RNF17: variants seen among roughly 807,000 people sequenced by gnomAD.
The protein encoded by RNF17 is spermatogenesis associated 23.
Under a neutral mutation model 200.5 loss-of-function variants are expected in RNF17, and 31 were observed. That is an observed-to-expected ratio of 0.15 (90% CI 0.12 to 0.21). RNF17 has a LOEUF of 0.21. RNF17 is among the 10% of genes least tolerant of loss of function. The pLI is 1.00. For missense variants in RNF17, 1,628 were observed against 1,905.1 expected (o/e 0.85, Z 2.71); for synonymous variants, 606 against 637.8 (o/e 0.95, Z 0.75).
In RNF17 at chr13:24,864,986, G is replaced by A. The variant is rs756789543; in HGVS notation, c.4089G>A (p.Glu1363=). The A allele has an allele frequency of 2.6e-6, 4 of 1,550,906 alleles. No individual in the cohort carries two copies. The East Asian group carries it at 9.2e-5, about 36-fold the overall frequency. The stretch of plus-strand genomic sequence containing the variant: ...ACTGTACTTCTGAACATACTGAGGA[G>A]ATGTTGAAAGAAGTAAGTGCACTAT... ...YKYCTSEHTE[E]MLKEKPRSDH... Residue 1363 remains glutamate (E), a synonymous_variant, in exon 29 of 36, where the codon GAG becomes GAA. Transcript: ENST00000255324.
At chr13:24,887,982 G>C in the RNF17 span, among the ~76,000 whole-genome samples, 1 of 152,170 alleles carries the variant, frequency 6.6e-6, no homozygotes, top group African/African-American at 2.4e-5. Context: ...GCTCCACAGA[G>C]GGCAGTTCCG....
chr13:24,830,833 C>T (rs1046880627), intron 17 of RNF17, among the ~76,000 whole-genome samples: 1 of 152,130 alleles, frequency 6.6e-6, no homozygotes, highest in Non-Finnish European at 1.5e-5. Context: ...TTGTTGGCAG[C>T]TTTTAATATA....
the RNF17 span, among the ~76,000 whole-genome samples, chr13:24,752,424 C>T: frequency 5.3e-5 from 8 of 152,206 alleles, no homozygotes; most frequent in Admixed American, 2.6e-4. Context: ...TCCTGTCATT[C>T]GCAGCCACAT....
chr13:24,758,888 C>T, the RNF17 span, among the ~76,000 whole-genome samples: 1,249 of 151,760 alleles, frequency 8.2e-3, 11 homozygotes, highest in African/African-American at 0.024. Context: ...CCATCCTGGC[C>T]AACATCGTGA....
intron 9 of RNF17, among the ~76,000 whole-genome samples, chr13:24,790,278 G>A (rs1883681340): frequency 1.3e-5 from 2 of 152,006 alleles, no homozygotes; most frequent in Admixed American, 1.3e-4. Context: ...TGAATATATG[G>A]GCAGTGAAAT....
At chr13:24,804,455 T>G in intron 15 of RNF17, 26 bp downstream of exon 15, 6 of 1,547,600 alleles carry the variant, frequency 3.9e-6, no homozygotes, top group Non-Finnish European at 5.2e-6. Flanking sequence ...GTTTTTGAAA[T>G]GAAGTTTTTA....
intron 22 of RNF17, among the ~76,000 whole-genome samples, chr13:24,848,388 G>A (rs188949508): frequency 9.9e-5 from 15 of 152,276 alleles, no homozygotes; most frequent in Admixed American, 7.2e-4. Context: ...ATGGCCGGAC[G>A]CGGTGGCCCA....
Position 24,850,443 on chromosome 13 carries a change from G to A in RNF17, c.3204G>A (p.Glu1068=). 2 of 1,579,730 alleles carry A rather than the reference G, an allele frequency of 1.3e-6. No individual in the cohort carries two copies. Among genetic ancestry groups the A allele is most frequent in the Non-Finnish European group, 1.7e-6 (2 of 1,149,926 alleles). ...CTATAATCTTACAGGTGGATAGTGA[G>A]GTAACAAGTTACAAGAGATATGTGC... ...VATIILQVDS[E]ENNTTWPLPV... Residue 1068 remains glutamate (E), a splice_region_variant and synonymous_variant, in exon 23 of 36, where the codon GAG becomes GAA. Coordinates refer to ENST00000255324, the MANE Select transcript of RNF17 (RefSeq NM_031277.3).
intron 1 of RNF17, among the ~76,000 whole-genome samples, chr13:24,766,818 T>G (rs964360794): frequency 8.5e-5 from 13 of 152,242 alleles, no homozygotes; most frequent in Non-Finnish European, 1.9e-4. Flanking sequence ...ATTCAAAGTA[T>G]TCTAGGTACA....
At chr13:24,829,068 G>A (rs995408766) in intron 16 of RNF17, among the ~76,000 whole-genome samples, 6 of 152,060 alleles carry the variant, frequency 3.9e-5, no homozygotes, top group Non-Finnish European at 5.9e-5. Context: ...TTACAGGTGT[G>A]AGCCATCACA....
chr13:24,810,952 GA>G (rs1886526909), intron 15 of RNF17, among the ~76,000 whole-genome samples: 1 of 151,268 alleles, frequency 6.6e-6, no homozygotes, highest in African/African-American at 2.4e-5. Context: ...TTTTCTTTAA[GA>G]ATGTTGAATA....
rs545864190 is a variant in RNF17 at position 24,860,958 on chromosome 13, G to T, written c.3775-310G>T. On this transcript the variant is annotated intron_variant, in intron 26 of 35. Coordinates refer to ENST00000255324, the MANE Select transcript of RNF17 (RefSeq NM_031277.3). ...AGTGGCACAGTCACAGCTCATTGCA[G>T]CCTTGACCTCCCGGGCTTAGGCAGT... Among the ~76,000 whole-genome samples, 4 of 151,304 alleles carry T rather than the reference G, an allele frequency of 2.6e-5. No individual in the cohort carries two copies. The South Asian group carries it at 8.4e-4, about 32-fold the overall frequency.
At position 24,764,227 on chromosome 13, in the gene RNF17, T is replaced by G. The variant is rs201821838; in HGVS notation, c.24T>G (p.Thr8=). MAAEASK[T]GPSRSSYQRM... ...CGATGGCGGCAGAGGCTTCGAAGAC[T>G]GGGCCTTCTAGGTCTTCCTACCAGC... is the stretch of plus-strand genomic sequence containing the variant. The change falls in exon 1 of 36, where the codon ACT becomes ACG. Residue 8 remains threonine, a synonymous_variant. Transcript: ENST00000255324. 52 of 1,603,756 alleles carry G rather than the reference T, an allele frequency of 3.2e-5. No individual in the cohort carries two copies. The Admixed American group carries it at 3.3e-4, about 10-fold the overall frequency.
At chr13:24,883,009 A>G (rs1953905451), downstream of RNF17, 1 of 635,456 alleles carries the variant, frequency 1.6e-6, no homozygotes, top group South Asian at 1.9e-5. Flanking sequence ...GAGAGCTATC[A>G]TTGCATTTCA....
At chr13:24,875,847 C>T (rs1365899951) in intron 33 of RNF17, among the ~76,000 whole-genome samples, 1 of 152,204 alleles carries the variant, frequency 6.6e-6, no homozygotes, top group Non-Finnish European at 1.5e-5. Context: ...AGAATGACAA[C>T]ATCTTCTTCT....
chr13:24,767,126 G>A (rs911166276), intron 1 of RNF17, 146 bp from the exon 2 acceptor site: 1 of 589,290 alleles, frequency 1.7e-6, no homozygotes, highest in African/African-American at 1.9e-5. Context: ...CTACTTGGGA[G>A]GCTGAGGTAG....
intron 25 of RNF17, among the ~76,000 whole-genome samples, chr13:24,854,989 G>A (rs1050542325): frequency 4.6e-5 from 7 of 152,044 alleles, no homozygotes; most frequent in African/African-American, 1.7e-4. Context: ...CCACTTTTCT[G>A]AATTAGCTAA....
intron 18 of RNF17, among the ~76,000 whole-genome samples, chr13:24,839,098 G>A (rs1448059786): frequency 6.6e-6 from 1 of 151,982 alleles, no homozygotes; most frequent in African/African-American, 2.4e-5. Flanking sequence ...AAAATACTTA[G>A]GAATATAACT....
intron 15 of RNF17, among the ~76,000 whole-genome samples, chr13:24,818,068 GTT>G (rs1593333299): frequency 6.6e-6 from 1 of 152,152 alleles, no homozygotes; most frequent in East Asian, 1.9e-4. Flanking sequence ...CATCTCATGA[GTT>G]TGGTATGTTT....
Sources: gnomAD v4.1 joint callset for allele counts (sites outside exome capture counted in the v4.1 genomes callset) on GRCh38, gnomAD v4.1.1 for gene constraint, MANE v1.5 for transcripts, NCBI Gene and HGNC (gene_info 2026-07-23, HGNC 2026-07-21) for gene names.